Variants in RAP1GAP2 observed in about 807,000 individuals in gnomAD.
RAP1GAP2 encodes rap1 GTPase-activating protein 2.
In RAP1GAP2, 27 loss-of-function variants were observed where a neutral mutation model predicts 95.0. The observed-to-expected ratio is 0.28, with a 90% CI of 0.21 to 0.39. The LOEUF (loss-of-function observed/expected upper bound fraction) is 0.39. RAP1GAP2 is among the 10% of genes least tolerant of loss of function. The pLI is 1.00. For missense variants in RAP1GAP2, 771 were observed against 970.0 expected (o/e 0.79, Z 2.72); for synonymous variants, 373 against 380.9 (o/e 0.98, Z 0.24).
At chr17:2,945,020 C>T (rs1402620247) in intron 3 of RAP1GAP2, among the ~76,000 whole-genome samples, 1 of 152,030 alleles carries the variant, frequency 6.6e-6, no homozygotes, top group Non-Finnish European at 1.5e-5. Context: ...ATTACAGGCG[C>T]CCGCCACCAC....
At chr17:2,824,610 C>G (rs1348410865) in intron 2 of RAP1GAP2, among the ~76,000 whole-genome samples, 2 of 150,864 alleles carry the variant, frequency 1.3e-5, no homozygotes, top group Non-Finnish European at 2.9e-5. Context: ...CATGGTGGTG[C>G]ATGCCTGTAA....
At chr17:3,024,657 A>G (rs2047050036) in intron 19 of RAP1GAP2, among the ~76,000 whole-genome samples, 1 of 152,248 alleles carries the variant, frequency 6.6e-6, no homozygotes, top group Non-Finnish European at 1.5e-5. Context: ...AAGTGGAAAC[A>G]GTCCAAATGT....
In RAP1GAP2 at chr17:2,823,791, C is replaced by T. The variant is rs968466501; in HGVS notation, c.80+23241C>T. ...GTGCAGAGCAATTGTGGAGCAATTA[C>T]TAAGCAAGCAGAATGGGAAGCAACA... is the stretch of plus-strand genomic sequence containing the variant. On this transcript the variant is annotated intron_variant, in intron 2 of 24. Coordinates refer to ENST00000254695, the MANE Select transcript of RAP1GAP2 (RefSeq NM_015085.5). 8.5e-5 allele frequency among the ~76,000 whole-genome samples: 13 copies of T among 152,128 alleles called. 1 individual carries two copies. Among genetic ancestry groups the T allele is most frequent in the Admixed American group, 8.5e-4 (13 of 15,256 alleles).
At chr17:2,983,073 G>A (rs758393020) in intron 10 of RAP1GAP2, among the ~76,000 whole-genome samples, 1 of 152,182 alleles carries the variant, frequency 6.6e-6, no homozygotes, top group African/African-American at 2.4e-5. Context: ...GGGGAGCTGC[G>A]AAGCGTCCGT....
intron 3 of RAP1GAP2, among the ~76,000 whole-genome samples, chr17:2,931,883 G>T (rs1350942941): frequency 6.6e-6 from 1 of 152,148 alleles, no homozygotes; most frequent in Non-Finnish European, 1.5e-5. Flanking sequence ...CTGAGTTGGG[G>T]TTATGGAGAT....
upstream of RAP1GAP2, among the ~76,000 whole-genome samples, chr17:2,774,480 G>GT (rs5818875): frequency 6.0e-5 from 6 of 99,480 alleles, no homozygotes; most frequent in Middle Eastern, 4.5e-3. Flanking sequence ...CCCTGCTATC[G>GT]TTTTTTTTTT....
chr17:2,977,209 G>T (rs533414406), intron 8 of RAP1GAP2, among the ~76,000 whole-genome samples: 1 of 151,804 alleles, frequency 6.6e-6, no homozygotes, highest in African/African-American at 2.4e-5. Context: ...AAACAAAGAT[G>T]AAGTCTTCAG....
At chr17:2,888,900 C>T (rs913240231) in intron 2 of RAP1GAP2, among the ~76,000 whole-genome samples, 5 of 150,820 alleles carry the variant, frequency 3.3e-5, no homozygotes, top group South Asian at 2.1e-4. Context: ...TGAGCTCAGG[C>T]GATCTGCCCG....
At chr17:2,892,732 C>T (rs1457793406) in intron 2 of RAP1GAP2, among the ~76,000 whole-genome samples, 3 of 152,174 alleles carry the variant, frequency 2.0e-5, no homozygotes, top group Non-Finnish European at 4.4e-5. Flanking sequence ...TGTCCTGTGA[C>T]TCATTCCTGA....
Position 2,963,555 on chromosome 17 carries a change from C to T in RAP1GAP2, c.279+93C>T. 1 of 1,528,050 alleles carries T rather than the reference C, an allele frequency of 6.5e-7. No homozygotes were observed. The highest frequency in any genetic ancestry group is 9.1e-7 in the Non-Finnish European group (1 of 1,104,068). The allele number at this position is 1,528,050 out of a possible 1,614,324, so 94.7% of individuals were successfully genotyped here. On this transcript the variant is annotated intron_variant, in intron 6 of 24. Coordinates refer to ENST00000254695, the MANE Select transcript of RAP1GAP2 (RefSeq NM_015085.5). This position sits in a 1 kb window ranked among gnomAD's most constrained non-coding sequence, Gnocchi z 4.8. ...TGGCGATGGCCTGTGCCCAGCCCCC[C>T]AGGGGAGAGAACCTTGGGCCTGGGA...
chr17:2,780,790 T>C (rs900961532), intron 1 of RAP1GAP2, among the ~76,000 whole-genome samples: 1 of 152,252 alleles, frequency 6.6e-6, no homozygotes, highest in Non-Finnish European at 1.5e-5. Context: ...AATAAAGCAA[T>C]GATACTAGCC....
At chr17:2,961,890 ATTTTTTT>A (rs34857082) in intron 4 of RAP1GAP2, among the ~76,000 whole-genome samples, 1 of 111,978 alleles carries the variant, frequency 8.9e-6, no homozygotes, top group African/African-American at 3.5e-5. Flanking sequence ...GACCCTAAGG[ATTTTTTT>A]TTTTTTTTTT....
At chr17:2,777,611 G>C (rs1422594327) in intron 1 of RAP1GAP2, among the ~76,000 whole-genome samples, 1 of 152,218 alleles carries the variant, frequency 6.6e-6, no homozygotes, top group Non-Finnish European at 1.5e-5. Flanking sequence ...CAGGTGCTGT[G>C]TGTCTGGACC....
chr17:2,783,989 T>C (rs2068714353), intron 1 of RAP1GAP2, among the ~76,000 whole-genome samples: 1 of 152,170 alleles, frequency 6.6e-6, no homozygotes, highest in Non-Finnish European at 1.5e-5. Context: ...TGTTTATTTA[T>C]TGAGATGGAG....
chr17:2,806,827 C>T (rs1228343977), intron 2 of RAP1GAP2, among the ~76,000 whole-genome samples: 1 of 151,978 alleles, frequency 6.6e-6, no homozygotes, highest in Non-Finnish European at 1.5e-5. Flanking sequence ...GATCCTCCTG[C>T]CTCAGGACCA....
At chr17:2,882,836 G>A (rs1443997949) in intron 2 of RAP1GAP2, among the ~76,000 whole-genome samples, 19 of 152,232 alleles carry the variant, frequency 1.2e-4, no homozygotes, top group Admixed American at 1.2e-3. Flanking sequence ...GGTGAGGGAA[G>A]TAGGGACTCA....
intron 2 of RAP1GAP2, among the ~76,000 whole-genome samples, chr17:2,875,506 G>A (rs540771313): frequency 6.6e-6 from 1 of 152,262 alleles, no homozygotes; most frequent in Non-Finnish European, 1.5e-5. Context: ...TCCAGTGTAT[G>A]GCTATGTGGC....
chr17:2,895,135 G>A (rs935355644), intron 2 of RAP1GAP2, among the ~76,000 whole-genome samples: 2 of 152,196 alleles, frequency 1.3e-5, no homozygotes, highest in African/African-American at 4.8e-5. Flanking sequence ...TGTTTCAGAA[G>A]GCACCTTTAC....
At chr17:2,875,224 G>A (rs141858085) in intron 2 of RAP1GAP2, among the ~76,000 whole-genome samples, 63 of 152,176 alleles carry the variant, frequency 4.1e-4, no homozygotes, top group African/African-American at 1.4e-3. Flanking sequence ...GCACCACCAC[G>A]CCTGGTGAAT....
Sources: gnomAD v4.1 joint callset for allele counts (sites outside exome capture counted in the v4.1 genomes callset) on GRCh38, gnomAD v4.1.1 for gene constraint, Gnocchi (gnomAD v3.1) non-coding constraint, MANE v1.5 for transcripts, NCBI Gene and HGNC (gene_info 2026-07-23, HGNC 2026-07-21) for gene names.